The following ZNF385D variants were observed in gnomAD, a reference collection of about 807,000 sequenced individuals.
ZNF385D encodes zinc finger protein 385D, also known as zinc finger protein 659.
Under a neutral mutation model 35.8 loss-of-function variants are expected in ZNF385D, and 15 were observed. The ratio of observed to expected loss-of-function variants is 0.42; its 90% CI spans 0.28 to 0.64. The LOEUF (loss-of-function observed/expected upper bound fraction) is 0.64. Ranked by LOEUF, ZNF385D falls within the 30% of genes least tolerant of loss-of-function variation. The probability of loss-of-function intolerance (pLI) is 0.23; values close to 1 mark genes in which losing one functional copy is unlikely to be tolerated. For missense variants in ZNF385D, 474 were observed against 494.6 expected, an observed-to-expected ratio of 0.96 and a Z score of 0.39; for synonymous variants, 212 against 186.8, an observed-to-expected ratio of 1.13 and a Z score of -1.10.
chr3:21,723,456 A>C (rs370938036), intron 1 of ZNF385D, among the ~76,000 whole-genome samples: 2 of 152,226 alleles, frequency 1.3e-5, no homozygotes, highest in South Asian at 2.1e-4. Flanking sequence ...AGAAGAACAT[A>C]AATGACCTGA....
intron 1 of ZNF385D, among the ~76,000 whole-genome samples, chr3:21,718,023 G>A (rs775007727): frequency 6.6e-6 from 1 of 152,164 alleles, no homozygotes; most frequent in Non-Finnish European, 1.5e-5. Flanking sequence ...GTCTGGGGAG[G>A]CACCACAGAA....
chr3:21,554,094 T>C (rs751902497), intron 3 of ZNF385D, among the ~76,000 whole-genome samples: 4 of 152,192 alleles, frequency 2.6e-5, no homozygotes, highest in Non-Finnish European at 5.9e-5. Flanking sequence ...ATGGTGAATT[T>C]TTTCCAGAAG....
At position 21,972,218 on chromosome 3, in the gene ZNF385D, A is replaced by C. The variant is rs76014808; in HGVS notation, c.325+196599T>G. On this transcript the variant is annotated intron_variant, in intron 3 of 5. Transcript: ENST00000494108. ...ATATAATAGGACAAAAAGTCTTAAA[A>C]ATTTCAAAAGAAGAAATTGTATCAA... Among the ~76,000 whole-genome samples the C allele has an allele frequency of 2.6e-3, 390 of 152,148 alleles. 1 individual carries two copies. Among genetic ancestry groups the C allele is most frequent in the African/African-American group, 8.8e-3 (367 of 41,566 alleles).
At chr3:22,333,256 T>C (rs1695019375) in intron 2 of ZNF385D, among the ~76,000 whole-genome samples, 1 of 152,172 alleles carries the variant, frequency 6.6e-6, no homozygotes, top group Non-Finnish European at 1.5e-5. Flanking sequence ...CAGGAGTGTG[T>C]TTGTATTTCT....
chr3:21,433,508 T>A (rs1701402598), intron 5 of ZNF385D, among the ~76,000 whole-genome samples: 1 of 152,170 alleles, frequency 6.6e-6, no homozygotes, highest in African/African-American at 2.4e-5. Context: ...TAACACTGGC[T>A]TTCTAATATC....
At chr3:22,314,897 C>A (rs1375433164) in intron 2 of ZNF385D, among the ~76,000 whole-genome samples, 1 of 151,992 alleles carries the variant, frequency 6.6e-6, no homozygotes, top group Non-Finnish European at 1.5e-5. Context: ...AGGGATTGTG[C>A]AACAAATGGA....
intron 4 of ZNF385D, among the ~76,000 whole-genome samples, chr3:21,487,340 A>T (rs1705109341): frequency 2.0e-5 from 3 of 151,892 alleles, no homozygotes; most frequent in South Asian, 4.1e-4. Context: ...TTTGCTTATT[A>T]TCACATTTGT....
intron 1 of ZNF385D, among the ~76,000 whole-genome samples, chr3:21,719,688 A>G (rs1020586187): frequency 6.6e-6 from 1 of 152,172 alleles, no homozygotes; most frequent in Admixed American, 6.5e-5. Flanking sequence ...TAATCATGTA[A>G]GACTCTCTAG....
At chr3:22,230,037 T>C (rs900474160) in intron 2 of ZNF385D, among the ~76,000 whole-genome samples, 1 of 152,218 alleles carries the variant, frequency 6.6e-6, no homozygotes, top group Non-Finnish European at 1.5e-5. Flanking sequence ...TTACTTTATA[T>C]CTTGATAGAC....
chr3:22,096,724 C>G (rs1335069348), intron 3 of ZNF385D, among the ~76,000 whole-genome samples: 1 of 152,056 alleles, frequency 6.6e-6, no homozygotes. Context: ...ATTCCCCACG[C>G]TGTTCTATGT....
intron 3 of ZNF385D, among the ~76,000 whole-genome samples, chr3:21,990,127 G>A (rs1253689114): frequency 6.6e-6 from 1 of 152,152 alleles, no homozygotes; most frequent in East Asian, 1.9e-4. Context: ...AAAAATTTTT[G>A]TGAGGCTATG....
At chr3:21,785,929 C>T (rs1390644784) in intron 3 of ZNF385D, among the ~76,000 whole-genome samples, 1 of 152,160 alleles carries the variant, frequency 6.6e-6, no homozygotes, top group Non-Finnish European at 1.5e-5. Flanking sequence ...AGAGGCTGCA[C>T]TGGCAACCAA....
At chr3:21,545,827 C>G (rs1000668193) in intron 3 of ZNF385D, among the ~76,000 whole-genome samples, 1 of 152,066 alleles carries the variant, frequency 6.6e-6, no homozygotes, top group African/African-American at 2.4e-5. Context: ...TCTAACAGGT[C>G]TAGGAACTCC....
chr3:22,120,830 C>T (rs1043068998), intron 3 of ZNF385D, among the ~76,000 whole-genome samples: 3 of 151,960 alleles, frequency 2.0e-5, no homozygotes, highest in Non-Finnish European at 4.4e-5. Context: ...TCATAGGAAC[C>T]GAAACAAGCC....
chr3:21,860,364 T>A (rs1696980839), intron 3 of ZNF385D, among the ~76,000 whole-genome samples: 1 of 152,126 alleles, frequency 6.6e-6, no homozygotes, highest in Non-Finnish European at 1.5e-5. Flanking sequence ...CAAAAAGATT[T>A]GGTCTCAGGC....
chr3:22,121,094 A>G (rs1439388103), intron 3 of ZNF385D, among the ~76,000 whole-genome samples: 1 of 152,176 alleles, frequency 6.6e-6, no homozygotes, highest in African/African-American at 2.4e-5. Context: ...GCCTACTGTG[A>G]ATTATGTTTC....
intron 4 of ZNF385D, among the ~76,000 whole-genome samples, chr3:21,463,310 C>G (rs979171616): frequency 7.2e-5 from 11 of 152,088 alleles, no homozygotes; most frequent in African/African-American, 2.7e-4. Context: ...TACAGGGACA[C>G]TAGAAGGAAG....
intron 2 of ZNF385D, among the ~76,000 whole-genome samples, chr3:22,226,675 T>C (rs1559464668): frequency 6.6e-6 from 1 of 152,202 alleles, no homozygotes; most frequent in Non-Finnish European, 1.5e-5. Flanking sequence ...AACACTTGCC[T>C]CTTTTGAAGT....
At chr3:21,716,530 T>C (rs74466881) in intron 1 of ZNF385D, among the ~76,000 whole-genome samples, 4,671 of 152,196 alleles carry the variant, frequency 0.031, 227 homozygotes, top group African/African-American at 0.11. Flanking sequence ...CCACAATGAC[T>C]ATGAATAACC....
Sources: allele counts gnomAD v4.1 joint callset (sites outside exome capture counted in the v4.1 genomes callset), GRCh38; gene constraint gnomAD v4.1.1; transcripts MANE v1.5; gene names NCBI Gene and HGNC (gene_info 2026-07-23, HGNC 2026-07-21).